Variants in TCERG1 observed in about 807,000 individuals in gnomAD.
TCERG1 encodes the protein transcription elongation regulator 1.
In TCERG1, 37 loss-of-function variants were observed where a neutral mutation model predicts 144.7. The ratio of observed to expected loss-of-function variants is 0.26; its 90% CI spans 0.20 to 0.34. TCERG1 has a LOEUF of 0.34. Ranked by LOEUF, TCERG1 falls within the 10% of genes least tolerant of loss-of-function variation. The probability of loss-of-function intolerance (pLI) is 1.00; values close to 1 mark genes in which losing one functional copy is unlikely to be tolerated. For synonymous variants in TCERG1, 492 were observed against 458.2 expected (o/e 1.07, Z -0.94); for missense variants, 1,027 against 1,380.7 (o/e 0.74, Z 4.06).
intron 15 of TCERG1, among the ~76,000 whole-genome samples, chr5:146,487,055 A>G (rs1450511352): frequency 1.3e-5 from 2 of 151,722 alleles, no homozygotes; most frequent in Non-Finnish European, 2.9e-5. Context: ...GTGCCATCGC[A>G]CTCCACCCTG....
intron 10 of TCERG1, 46 bp from the exon 11 acceptor site, chr5:146,479,809 A>G (rs1299835793): frequency 6.2e-7 from 1 of 1,602,568 alleles, no homozygotes; most frequent in Non-Finnish European, 8.5e-7. Flanking sequence ...AGTTTGTGAA[A>G]TATATGCAAA....
chr5:146,454,072 A>T (rs569140374), intron 1 of TCERG1, among the ~76,000 whole-genome samples: 6 of 150,494 alleles, frequency 4.0e-5, no homozygotes, highest in South Asian at 2.1e-4. Context: ...TTAGCCGGGC[A>T]TGGTGGCGCA....
chr5:146,461,367 A>G lies in TCERG1; in HGVS notation c.892+2030A>G, dbSNP rs554009704. Among the ~76,000 whole-genome samples the G allele has an allele frequency of 2.0e-5, 3 of 152,252 alleles. No individual in the cohort carries two copies. In the East Asian group the frequency reaches 5.8e-4, roughly 29 times the overall value. On this transcript the variant is annotated intron_variant, in intron 4 of 22. Coordinates refer to ENST00000679501, the MANE Select transcript of TCERG1 (RefSeq NM_001382548.1). ...CTTAATATTTCTCCATCTATTATATATAGTCACTTGTCTTTTTTAGTTAAG... is the reference window on the plus strand; with the variant it reads ...CTTAATATTTCTCCATCTATTATATGTAGTCACTTGTCTTTTTTAGTTAAG...
chr5:146,509,782 C>G (rs866596929), intron 22 of TCERG1, among the ~76,000 whole-genome samples: 1 of 152,120 alleles, frequency 6.6e-6, no homozygotes, highest in Non-Finnish European at 1.5e-5. Flanking sequence ...GCAAACCCAA[C>G]AGTTCTTCAC....
At chr5:146,479,788 T>G (rs1300080396) in intron 10 of TCERG1, 67 bp from the exon 11 acceptor site, 1 of 1,540,894 alleles carries the variant, frequency 6.5e-7, no homozygotes, top group African/African-American at 1.4e-5. Context: ...ACAGTAATTT[T>G]TAAAAAGAAA....
intron 19 of TCERG1, among the ~76,000 whole-genome samples, chr5:146,505,120 C>T (rs1029811652): frequency 4.7e-4 from 71 of 150,372 alleles, no homozygotes; most frequent in Non-Finnish European, 8.4e-4. Flanking sequence ...AAAAACATCT[C>T]ATAATGTTTT....
rs990490844 is a variant in TCERG1, at chr5:146,459,036, T to C, written c.591T>C (p.Ala197=). 99 of 1,608,114 alleles carry C rather than the reference T, an allele frequency of 6.2e-5. No homozygotes were observed. The African/African-American group carries it at 9.8e-4, about 16-fold the overall frequency. The part of the protein sequence containing the change: ...AQAQAQAQAQ[A]QAQAQAQAQA... ...CGCAGGCTCAGGCCCAGGCGCAGGC[T>C]CAGGCCCAGGCACAAGCTCAGGCCC... The change falls in exon 4 of 23, where the codon GCT becomes GCC. Residue 197 remains alanine, a synonymous_variant. Transcript: ENST00000679501.
At chr5:146,475,814 C>T (rs937063109) in intron 9 of TCERG1, among the ~76,000 whole-genome samples, 8 of 152,200 alleles carry the variant, frequency 5.3e-5, no homozygotes, top group Admixed American at 3.3e-4. Context: ...CCCTTATCAC[C>T]ATTGGTCACT....
rs776992643 is a variant in TCERG1 at position 146,470,645 on chromosome 5, A to C, written c.1409A>C (p.Glu470Ala). Residue 470 changes from glutamate to alanine, a missense_variant, in exon 8 of 23, where the codon GAA becomes GCA. Around this residue, in one of 6 missense-constraint regions of TCERG1, gnomAD observed 482 missense variants for 632.6 expected, o/e 0.76. Coordinates refer to ENST00000679501, the MANE Select transcript of TCERG1 (RefSeq NM_001382548.1). ...PQELKEKEKL[E>A]EKIKEPIKEP... ...TTAATTTTTTTCATAGAAAAGTTAGAAGAGAAGATTAAAGAGCCAATTAAA... is the reference window on the plus strand; with the variant it reads ...TTAATTTTTTTCATAGAAAAGTTAGCAGAGAAGATTAAAGAGCCAATTAAA... The C allele has an allele frequency of 6.3e-7, 1 of 1,598,892 alleles. No homozygotes were observed.
intron 4 of TCERG1, chr5:146,462,095 A>G (rs767117110): frequency 1.3e-5 from 2 of 152,656 alleles, no homozygotes; most frequent in Non-Finnish European, 2.9e-5. Flanking sequence ...TATTTAGCCA[A>G]GGTGAGTCCC....
chr5:146,448,553 G>T (rs1481204249), intron 1 of TCERG1, among the ~76,000 whole-genome samples: 1 of 152,196 alleles, frequency 6.6e-6, no homozygotes, highest in Non-Finnish European at 1.5e-5. Context: ...ATGAAAAAGA[G>T]CAGGGTAGAT....
At chr5:146,499,854 C>A (rs561053929) in intron 17 of TCERG1, 1 of 152,106 alleles carries the variant, frequency 6.6e-6, no homozygotes, top group Non-Finnish European at 1.5e-5. Context: ...TTGTGCTGTG[C>A]GGCCTGTCAA....
At chr5:146,462,440 T>A (rs1763418492) in intron 4 of TCERG1, among the ~76,000 whole-genome samples, 2 of 152,238 alleles carry the variant, frequency 1.3e-5, no homozygotes, top group Non-Finnish European at 2.9e-5. Context: ...AAAATTGTTT[T>A]GTAACATGTG....
At chr5:146,472,374 T>C (rs4991466) in intron 9 of TCERG1, among the ~76,000 whole-genome samples, 37,056 of 151,856 alleles carry the variant, frequency 0.24, 5,620 homozygotes, top group East Asian at 0.83. Flanking sequence ...CATTTTGTGT[T>C]TCGGTGTTAC....
intron 18 of TCERG1, 96 bp downstream of exon 18, chr5:146,503,635 T>G: frequency 2.0e-6 from 3 of 1,468,290 alleles, no homozygotes; most frequent in Non-Finnish European, 9.2e-7. Flanking sequence ...TATTGGGGGT[T>G]TGGATTTTTT....
intron 15 of TCERG1, 29 bp from the exon 16 acceptor site, chr5:146,492,891 C>G: frequency 6.6e-7 from 1 of 1,519,576 alleles, no homozygotes; most frequent in East Asian, 2.3e-5. Context: ...GAAAGATTGA[C>G]TTGTCAAATT....
intron 15 of TCERG1, among the ~76,000 whole-genome samples, chr5:146,489,826 A>G (rs1766224846): frequency 6.6e-6 from 1 of 152,190 alleles, no homozygotes; most frequent in African/African-American, 2.4e-5. Flanking sequence ...ATCAGAAAAT[A>G]ACCACTTAAC....
chr5:146,500,202 G>T (rs1351351473), intron 17 of TCERG1, among the ~76,000 whole-genome samples: 1 of 151,218 alleles, frequency 6.6e-6, no homozygotes, highest in Non-Finnish European at 1.5e-5. Context: ...AATTGCTAAA[G>T]TGAAGCTTTC....
At chr5:146,509,389 A>G in intron 22 of TCERG1, 144 bp downstream of exon 22, 2 of 541,546 alleles carry the variant, frequency 3.7e-6, no homozygotes, top group Non-Finnish European at 6.5e-6. Flanking sequence ...GTCCAAAGTC[A>G]AATACAGCCC....
Sources: gnomAD v4.1 joint callset for allele counts (sites outside exome capture counted in the v4.1 genomes callset) on GRCh38, gnomAD v4.1.1 for gene constraint, gnomAD v4.1.1 regional missense constraint, MANE v1.5 for transcripts, NCBI Gene and HGNC (gene_info 2026-07-23, HGNC 2026-07-21) for gene names.